AHCYL2: variants seen among roughly 807,000 people sequenced by gnomAD.
The protein encoded by AHCYL2 is adenosylhomocysteinase like 2, also known as S-adenosylhomocysteine hydrolase-like protein 2.
A neutral mutation model predicts 81.4 loss-of-function variants in AHCYL2; 28 were observed. The observed-to-expected ratio is 0.34, with a 90% CI of 0.25 to 0.47. The LOEUF (loss-of-function observed/expected upper bound fraction) is 0.47, where lower values mean the gene tolerates loss of function less well. AHCYL2 is among the 20% of genes least tolerant of loss of function. The pLI, the probability that AHCYL2 is intolerant of heterozygous loss-of-function variation, is 1.00. For missense variants in AHCYL2, 551 were observed against 785.1 expected (o/e 0.70, Z 3.56); for synonymous variants, 272 against 290.2 (o/e 0.94, Z 0.64).
At chr7:129,303,047 C>T (rs1347901618) in intron 1 of AHCYL2, among the ~76,000 whole-genome samples, 1 of 152,180 alleles carries the variant, frequency 6.6e-6, no homozygotes, top group Non-Finnish European at 1.5e-5. Flanking sequence ...GTTGCCCAGG[C>T]TGGAGTGCAA....
At chr7:129,310,250 A>T (rs1797606537) in intron 1 of AHCYL2, among the ~76,000 whole-genome samples, 1 of 152,182 alleles carries the variant, frequency 6.6e-6, no homozygotes, top group Non-Finnish European at 1.5e-5. Context: ...CTATCTATAT[A>T]TACTCTTTTA....
At chr7:129,400,181 G>T in intron 5 of AHCYL2, 109 bp from the exon 6 acceptor site, 1 of 891,796 alleles carries the variant, frequency 1.1e-6, no homozygotes. Context: ...AAGGAGTATA[G>T]CAGAATGAGA....
rs57543186 is a variant in AHCYL2 at position 129,324,617 on chromosome 7, G to A, written c.364-55021G>A. 3.4e-3 allele frequency among the ~76,000 whole-genome samples: 520 copies of A among 152,270 alleles called. 1 individual carries two copies. Among genetic ancestry groups the A allele is most frequent in the African/African-American group, 0.012 (502 of 41,542 alleles). On this transcript the variant is annotated intron_variant, in intron 1 of 16. Transcript: ENST00000325006. ...TGCAAGCTCTGCCTCCCGGGTTCAC[G>A]CCATTCTCCTGCCTCAGCCTCCCAA...
At position 129,321,864 on chromosome 7, in the gene AHCYL2, C is replaced by T. The variant is rs149990820; in HGVS notation, c.364-57774C>T. 3.4e-3 allele frequency among the ~76,000 whole-genome samples: 509 copies of T among 151,298 alleles called. 1 individual carries two copies. The highest frequency in any genetic ancestry group is 0.012 in the African/African-American group (478 of 41,270). ...GATCTCGGCTCACCTTAACCTCCAC[C>T]TCCCAGGTTCAAGCGATCCTCCTGC... On this transcript the variant is annotated intron_variant, in intron 1 of 16. Transcript: ENST00000325006.
At position 129,374,602 on chromosome 7, in the gene AHCYL2, G is replaced by A. The variant is rs1028738183; in HGVS notation, c.364-5036G>A. Among the ~76,000 whole-genome samples the A allele has an allele frequency of 4.6e-5, 7 of 151,950 alleles. No individual in the cohort carries two copies. The East Asian group carries it at 1.4e-3, about 29-fold the overall frequency. Reference sequence around the variant, plus strand: ...GCAGGTGGATCACTTGAGGTCTGGAGTTCAAGACCAGCTGACCAAAATGGT... The same window carrying A: ...GCAGGTGGATCACTTGAGGTCTGGAATTCAAGACCAGCTGACCAAAATGGT... On this transcript the variant is annotated intron_variant, in intron 1 of 16. Transcript: ENST00000325006.
At chr7:129,255,132 G>A (rs751620318) in intron 1 of AHCYL2, among the ~76,000 whole-genome samples, 2 of 151,994 alleles carry the variant, frequency 1.3e-5, no homozygotes, top group Admixed American at 6.6e-5. Flanking sequence ...ATGGTGGCAC[G>A]TGCCTATAAT....
In AHCYL2 at chr7:129,276,204, A is replaced by G. The variant is rs751045682; in HGVS notation, c.363+50765A>G. ...AATATAAATACTGTGTATCAGAATT[A>G]TGGGTTACAACTAAAGCAGCATTTA... is the stretch of plus-strand genomic sequence containing the variant. On this transcript the variant is annotated intron_variant, in intron 1 of 16. Transcript: ENST00000325006. 3.9e-5 allele frequency among the ~76,000 whole-genome samples: 6 copies of G among 152,258 alleles called. No individual in the cohort carries two copies. The South Asian group carries it at 6.2e-4, about 16-fold the overall frequency.
At chr7:129,383,702 C>G (rs1226467389) in intron 2 of AHCYL2, among the ~76,000 whole-genome samples, 1 of 152,154 alleles carries the variant, frequency 6.6e-6, no homozygotes, top group South Asian at 2.1e-4. Context: ...CCTCCCTCCC[C>G]GAGATGTTCA....
chr7:129,395,489 T>C (rs1355392894), intron 4 of AHCYL2, among the ~76,000 whole-genome samples: 1 of 152,202 alleles, frequency 6.6e-6, no homozygotes, highest in Non-Finnish European at 1.5e-5. Context: ...CCTGGAGAGC[T>C]GGAGAGGTAG....
chr7:129,331,879 A>G (rs960393778), intron 1 of AHCYL2, among the ~76,000 whole-genome samples: 5 of 150,978 alleles, frequency 3.3e-5, no homozygotes, highest in Non-Finnish European at 7.4e-5. Flanking sequence ...ATATATATAT[A>G]TATAATTTAA....
chr7:129,399,056 C>T (rs967180727), intron 5 of AHCYL2, among the ~76,000 whole-genome samples: 2 of 146,566 alleles, frequency 1.4e-5, no homozygotes, highest in Non-Finnish European at 3.0e-5. Flanking sequence ...GCAGGAGAAT[C>T]GCTTGAACCC....
intron 1 of AHCYL2, among the ~76,000 whole-genome samples, chr7:129,298,528 T>C (rs1201558912): frequency 1.3e-5 from 2 of 152,238 alleles, no homozygotes; most frequent in Non-Finnish European, 2.9e-5. Context: ...ATATAACAGC[T>C]ATGGAAAGTA....
chr7:129,228,870 A>G (rs1448294849), intron 1 of AHCYL2, among the ~76,000 whole-genome samples: 1 of 152,172 alleles, frequency 6.6e-6, no homozygotes, highest in Non-Finnish European at 1.5e-5. Flanking sequence ...CCATGTTAGC[A>G]CTTCTTGTCC....
intron 1 of AHCYL2, among the ~76,000 whole-genome samples, chr7:129,245,110 C>T (rs964912109): frequency 6.6e-6 from 1 of 150,908 alleles, no homozygotes; most frequent in Non-Finnish European, 1.5e-5. Flanking sequence ...CTGCAGTCTC[C>T]GCCTCCTGGG....
chr7:129,322,942 A>T (rs1475757317), intron 1 of AHCYL2, among the ~76,000 whole-genome samples: 2 of 152,004 alleles, frequency 1.3e-5, no homozygotes, highest in Non-Finnish European at 2.9e-5. Flanking sequence ...AGTGAGGGTT[A>T]CCTCTGTCAT....
chr7:129,298,722 C>G lies in AHCYL2; in HGVS notation c.363+73283C>G, dbSNP rs117209983. On this transcript the variant is annotated intron_variant, in intron 1 of 16. Coordinates refer to ENST00000325006, the MANE Select transcript of AHCYL2 (RefSeq NM_015328.4). ...GTTTGTTTGATATTTGTCATTCTAC[C>G]AAGTGATTTGTCTATTTTATGTATT... 3.4e-4 allele frequency among the ~76,000 whole-genome samples: 52 copies of G among 152,266 alleles called. No individual in the cohort carries two copies. In the East Asian group the frequency reaches 9.5e-3, roughly 28 times the overall value.
At chr7:129,309,778 GTTCTC>G (rs1462667231) in intron 1 of AHCYL2, among the ~76,000 whole-genome samples, 6 of 152,020 alleles carry the variant, frequency 3.9e-5, no homozygotes, top group Non-Finnish European at 7.4e-5. Context: ...TCTCATTTGA[GTTCTC>G]TTTACCAGTC....
At chr7:129,308,065 G>A (rs931467782) in intron 1 of AHCYL2, among the ~76,000 whole-genome samples, 1 of 151,882 alleles carries the variant, frequency 6.6e-6, no homozygotes, top group Non-Finnish European at 1.5e-5. Context: ...TTGAGGGAGG[G>A]GTGACGCAAG....
chr7:129,276,856 C>G (rs1382499981), intron 1 of AHCYL2, among the ~76,000 whole-genome samples: 2 of 150,774 alleles, frequency 1.3e-5, no homozygotes, highest in Non-Finnish European at 3.0e-5. Context: ...ATCAGCAAGA[C>G]AGAGTGAAGA....
Sources: gnomAD v4.1 joint callset for allele counts (sites outside exome capture counted in the v4.1 genomes callset) on GRCh38, gnomAD v4.1.1 for gene constraint, MANE v1.5 for transcripts, NCBI Gene and HGNC (gene_info 2026-07-23, HGNC 2026-07-21) for gene names.